The following SORD variants were observed in gnomAD, a reference collection of about 807,000 sequenced individuals.
SORD encodes sorbitol dehydrogenase.
Under a neutral mutation model 35.6 loss-of-function variants are expected in SORD, and 18 were observed. That is an observed-to-expected ratio of 0.51 (90% CI 0.35 to 0.75). The LOEUF (loss-of-function observed/expected upper bound fraction) is 0.75. SORD is among the 30% of genes least tolerant of loss of function. SORD has a pLI of 0.01. For synonymous variants in SORD, 106 were observed against 152.9 expected (o/e 0.69, Z 2.26); for missense variants, 250 against 390.2 (o/e 0.64, Z 3.03).
intron 3 of SORD, among the ~76,000 whole-genome samples, chr15:45,050,216 G>C (rs1462320299): frequency 6.6e-6 from 1 of 152,114 alleles, no homozygotes; most frequent in Admixed American, 6.5e-5. Flanking sequence ...TGAGTAGCTG[G>C]GACTACAGGC....
chr15:45,069,462 G>C (rs183686343), intron 7 of SORD, among the ~76,000 whole-genome samples: 5 of 151,744 alleles, frequency 3.3e-5, no homozygotes, highest in African/African-American at 1.2e-4. Flanking sequence ...CGCCCTCCTC[G>C]GCCTCTCAAA....
intron 4 of SORD, among the ~76,000 whole-genome samples, chr15:45,063,525 A>G (rs28689812): frequency 0.096 from 14,382 of 149,346 alleles, 2,200 homozygotes; most frequent in African/African-American, 0.33. Context: ...GACTCCTTGT[A>G]CATGCTTCTG....
rs749402236 is a variant in SORD at position 45,068,989 on chromosome 15, G to T, written c.723G>T (p.Gly241=). 5 of 1,610,802 alleles carry T rather than the reference G, an allele frequency of 3.1e-6. No individual in the cohort carries two copies. Among genetic ancestry groups the T allele is most frequent in the Middle Eastern group, 1.7e-4 (1 of 6,058 alleles). ...EIARKVEGQL[G]CKPEVTIECT... is the part of the protein sequence containing the mutation. ...CCAGGAAAGTAGAAGGTCAGCTGGG[G>T]TGCAAGCCGGAAGTCACCATCGAGT... The change falls in exon 7 of 9, where the codon GGG becomes GGT. Residue 241 remains glycine (G), a synonymous_variant. Transcript: ENST00000267814.
At chr15:45,049,399 C>T (rs1329745311) in intron 3 of SORD, among the ~76,000 whole-genome samples, 1 of 152,064 alleles carries the variant, frequency 6.6e-6, no homozygotes, top group African/African-American at 2.4e-5. Context: ...AAAGGTGTGT[C>T]TATGTGTGGT....
intron 1 of SORD, chr15:45,036,387 A>G (rs1348611694): frequency 2.2e-6 from 1 of 455,408 alleles, no homozygotes; most frequent in Admixed American, 2.4e-5. Flanking sequence ...TCTTGTAGTC[A>G]CTCATTAAAA....
chr15:45,035,033 T>A (rs948556932), intron 1 of SORD, among the ~76,000 whole-genome samples: 1 of 152,142 alleles, frequency 6.6e-6, no homozygotes, highest in Non-Finnish European at 1.5e-5. Flanking sequence ...CCGCCGGCGC[T>A]GCGCTCGATT....
At chr15:45,065,527 C>T in intron 5 of SORD, 138 bp downstream of exon 5, 2 of 1,376,152 alleles carry the variant, frequency 1.5e-6, no homozygotes, top group Non-Finnish European at 2.0e-6. Context: ...GTGTCCCATT[C>T]CCTCAGTGAC....
intron 1 of SORD, among the ~76,000 whole-genome samples, chr15:45,029,524 C>A (rs2085671493): frequency 6.6e-6 from 1 of 152,260 alleles, no homozygotes; most frequent in South Asian, 2.1e-4. Context: ...TGTCCATGAC[C>A]CTGAAGCCCC....
chr15:45,061,012 G>C (rs2467847), intron 3 of SORD, 55 bp from the exon 4 acceptor site: 1 of 1,607,548 alleles, frequency 6.2e-7, no homozygotes, highest in South Asian at 1.1e-5. Context: ...ACCAAAGAGC[G>C]GGCAGACTCT....
intron 3 of SORD, among the ~76,000 whole-genome samples, chr15:45,057,481 T>G (rs1243695893): frequency 2.6e-5 from 4 of 152,194 alleles, no homozygotes; most frequent in Non-Finnish European, 5.9e-5. Context: ...AATAAAAGTT[T>G]TATGAATAGA....
chr15:45,026,599 G>A (rs978606480), intron 1 of SORD, among the ~76,000 whole-genome samples: 5 of 125,424 alleles, frequency 4.0e-5, no homozygotes. Flanking sequence ...AGTGCCTCAG[G>A]AACTCCTATG....
At chr15:45,039,341 T>C (rs1892928662) in intron 1 of SORD, among the ~76,000 whole-genome samples, 4 of 152,208 alleles carry the variant, frequency 2.6e-5, no homozygotes. Context: ...TTGGCCAGGC[T>C]GGTCTCAAAC....
At chr15:45,054,518 T>C (rs905848574) in intron 3 of SORD, among the ~76,000 whole-genome samples, 13 of 152,364 alleles carry the variant, frequency 8.5e-5, no homozygotes, top group Admixed American at 8.5e-4. Context: ...TAAATTTGTT[T>C]GAGTTCATTG....
intron 1 of SORD, among the ~76,000 whole-genome samples, chr15:45,029,939 G>A (rs562611977): frequency 4.6e-5 from 7 of 152,370 alleles, no homozygotes; most frequent in East Asian, 1.9e-4. Flanking sequence ...GTATTGATGG[G>A]TTTGTGAGTA....
intron 4 of SORD, among the ~76,000 whole-genome samples, chr15:45,064,504 A>G (rs568873163): frequency 1.4e-4 from 21 of 152,326 alleles, no homozygotes; most frequent in East Asian, 3.9e-4. Context: ...GGGTCAAGAT[A>G]CCAGTGGAAG....
At chr15:45,055,563 A>C (rs533079971) in intron 3 of SORD, among the ~76,000 whole-genome samples, 34 of 152,338 alleles carry the variant, frequency 2.2e-4, no homozygotes, top group South Asian at 1.2e-3. Flanking sequence ...CCAGAGGTAC[A>C]AGGAGGAACT....
intron 1 of SORD, among the ~76,000 whole-genome samples, chr15:45,027,532 C>T (rs1443911566): frequency 6.6e-6 from 1 of 152,280 alleles, no homozygotes; most frequent in Non-Finnish European, 1.5e-5. Flanking sequence ...GCCAGAGCCC[C>T]TGAGGACGGA....
chr15:45,025,859 T>A (rs954768061), intron 1 of SORD, among the ~76,000 whole-genome samples: 6 of 152,202 alleles, frequency 3.9e-5, no homozygotes, highest in African/African-American at 1.4e-4. Context: ...TACTGCGGAC[T>A]TTATTCAGTT....
chr15:45,073,592 T>C lies in SORD; in HGVS notation c.*62T>C, dbSNP rs1042112. 0.17 allele frequency: 249,171 copies of C among 1,444,558 alleles called. 3,500 individuals carry two copies. Among genetic ancestry groups the C allele is most frequent in the African/African-American group, 0.47 (28,508 of 60,982 alleles). The allele number at this position is 1,444,558 out of a possible 1,614,324, so 89.5% of individuals were successfully genotyped here. On this transcript the variant is annotated 3_prime_UTR_variant, in exon 9 of 9. Transcript: ENST00000267814. ...GATCTCAGGGCACAATGGCTGGACATGGGTGGGCTCTGATGCAGAACTTTC... is the reference window on the plus strand; with the variant it reads ...GATCTCAGGGCACAATGGCTGGACACGGGTGGGCTCTGATGCAGAACTTTC...
Sources: allele counts gnomAD v4.1 joint callset (sites outside exome capture counted in the v4.1 genomes callset), GRCh38; gene constraint gnomAD v4.1.1; transcripts MANE v1.5; gene names NCBI Gene and HGNC (gene_info 2026-07-23, HGNC 2026-07-21).